The following ATG4B variants were observed in gnomAD, a reference collection of about 807,000 sequenced individuals.
The protein encoded by ATG4B is cysteine protease ATG4B.
Under a neutral mutation model 56.6 loss-of-function variants are expected in ATG4B, and 29 were observed. That is an observed-to-expected ratio of 0.51 (90% CI 0.38 to 0.70). The LOEUF is 0.70. ATG4B is among the 30% of genes least tolerant of loss of function. The probability of loss-of-function intolerance (pLI) is 0.00; values close to 1 mark genes in which losing one functional copy is unlikely to be tolerated. For synonymous variants in ATG4B, 224 were observed against 206.1 expected (o/e 1.09, Z -0.74); for missense variants, 461 against 515.5 (o/e 0.89, Z 1.02).
intron 10 of ATG4B, among the ~76,000 whole-genome samples, chr2:241,669,324 G>A (rs1055965458): frequency 6.6e-6 from 1 of 152,214 alleles, no homozygotes; most frequent in African/African-American, 2.4e-5. Flanking sequence ...GCAGTTAACC[G>A]AATCGGGGGC....
chr2:241,665,932 C>T (rs2068748125), intron 7 of ATG4B, among the ~76,000 whole-genome samples: 1 of 152,234 alleles, frequency 6.6e-6, no homozygotes, highest in South Asian at 2.1e-4. Context: ...CACTGTCCAT[C>T]TTTTTGATGC....
Position 241,657,069 on chromosome 2 carries a change from C to T in ATG4B, c.458+1726C>T, listed in dbSNP as rs904061683. 4.0e-5 allele frequency among the ~76,000 whole-genome samples: 6 copies of T among 151,324 alleles called. No individual in the cohort carries two copies. In the South Asian group the frequency reaches 1.0e-3, roughly 26 times the overall value. On this transcript the variant is annotated intron_variant, in intron 6 of 12. Transcript: ENST00000404914. ...ACTGCTTCCTCCACCTCCTGGGTCC[C>T]GGTTCAAGCAGTTCTCCTGCCTCAG...
intron 6 of ATG4B, among the ~76,000 whole-genome samples, chr2:241,658,089 G>A (rs2068465124): frequency 6.6e-6 from 1 of 152,218 alleles, no homozygotes; most frequent in Non-Finnish European, 1.5e-5. Flanking sequence ...GTTCTCTGCA[G>A]TGTTGACCAC....
intron 1 of ATG4B, among the ~76,000 whole-genome samples, chr2:241,642,033 TAAAA>T (rs35720921): frequency 1.3e-5 from 2 of 149,468 alleles, no homozygotes; most frequent in Non-Finnish European, 3.0e-5. Context: ...TGGTTGGTAA[TAAAA>T]AAAAAACAGA....
intron 1 of ATG4B, among the ~76,000 whole-genome samples, chr2:241,647,261 G>A (rs1172127286): frequency 2.0e-5 from 3 of 148,372 alleles, no homozygotes; most frequent in South Asian, 2.1e-4. Flanking sequence ...GCCTTGGAAC[G>A]GTGTCAAACA....
chr2:241,662,087 G>A (rs778009743), intron 7 of ATG4B, among the ~76,000 whole-genome samples: 7 of 152,138 alleles, frequency 4.6e-5, no homozygotes, highest in East Asian at 3.8e-4. Flanking sequence ...AGAACTTTTC[G>A]GGAGAGTTGG....
rs755022718 is a variant in ATG4B at position 241,653,623 on chromosome 2, C to G, written c.283+13C>G. 1.0e-5 allele frequency: 16 copies of G among 1,557,728 alleles called. 1 individual carries two copies. The Admixed American group carries it at 1.7e-4, about 17-fold the overall frequency. The stretch of plus-strand genomic sequence containing the variant: ...CACCTAGGCCGAGGTGAGTCACAGC[C>G]CTGGGGAGGGCGCATGGCCACGGTG... On this transcript the variant is annotated intron_variant, in intron 4 of 12. Transcript: ENST00000404914.
At chr2:241,654,707 C>CG in intron 5 of ATG4B, 60 bp downstream of exon 5, 1 of 1,378,024 alleles carries the variant, frequency 7.3e-7, no homozygotes, top group Non-Finnish European at 1.0e-6. Flanking sequence ...GTGGAGTGGT[C>CG]GGTTTCCCCT....
intron 7 of ATG4B, chr2:241,659,872 G>A (rs1041982986): frequency 6.2e-6 from 1 of 160,352 alleles, no homozygotes; most frequent in Non-Finnish European, 1.4e-5. Flanking sequence ...GTAGGCTATT[G>A]CCTTGAATCC....
intron 7 of ATG4B, chr2:241,659,540 A>C (rs930561036): frequency 8.2e-6 from 3 of 364,434 alleles, no homozygotes; most frequent in African/African-American, 6.4e-5. Context: ...CGACAGAGAG[A>C]TGTAGCAACC....
Position 241,653,538 on chromosome 2 carries a change from G to T in ATG4B, c.211G>T (p.Gly71Cys), listed in dbSNP as rs867242712. 1 of 1,584,276 alleles carries T rather than the reference G, an allele frequency of 6.3e-7. No individual in the cohort carries two copies. Among genetic ancestry groups the T allele is most frequent in the Admixed American group, 1.8e-5 (1 of 55,556 alleles). The change falls in exon 4 of 13, where the codon GGC (glycine) becomes TGC (cysteine). Residue 71 changes from glycine (G) to cysteine (C), a missense_variant. Physicochemically the swap from Gly to Cys is radical, Grantham distance 159. Transcript: ENST00000404914. The stretch of plus-strand genomic sequence containing the variant: ...GGGGACAGGCCCCACCTCGGACACA[G>T]GCTGGGGCTGCATGCTGCGGTGTGG... ...IGGTGPTSDT[G>C]WGCMLRCGQM...
At chr2:241,663,832 C>G (rs1412663982) in intron 7 of ATG4B, among the ~76,000 whole-genome samples, 1 of 139,952 alleles carries the variant, frequency 7.1e-6, no homozygotes, top group African/African-American at 2.6e-5. Flanking sequence ...TTTTTTGGAA[C>G]AGTTCTGCTC....
intron 7 of ATG4B, among the ~76,000 whole-genome samples, chr2:241,665,595 G>A (rs1269335370): frequency 6.6e-6 from 1 of 152,242 alleles, no homozygotes; most frequent in Non-Finnish European, 1.5e-5. Flanking sequence ...TTGAGCCTGT[G>A]GCTGAGAGTA....
At chr2:241,642,891 TTTTTTTTA>T in intron 1 of ATG4B, among the ~76,000 whole-genome samples, 1 of 126,956 alleles carries the variant, frequency 7.9e-6, no homozygotes, top group African/African-American at 3.3e-5. Flanking sequence ...TTTTTTTTTT[TTTTTTTTA>T]AGACGGAGTC....
In ATG4B at chr2:241,668,980, G is replaced by T; in HGVS notation, c.957+295G>T. ...GCTGAGTGTGCATGGATGAGTGTGA[G>T]CCATGGTGAGTGTGTCCCCCTCACA... On this transcript the variant is annotated intron_variant, in intron 10 of 12. Transcript: ENST00000404914. The surrounding 1 kb of genome is among the most constrained non-coding windows in gnomAD (Gnocchi z 4.2). 1 of 423,830 alleles carries T rather than the reference G, an allele frequency of 2.4e-6. No individual in the cohort carries two copies. The highest frequency in any genetic ancestry group is 4.2e-6 in the Non-Finnish European group (1 of 236,938). 26.3% of individuals were successfully genotyped at this position (423,830 alleles called of 1,614,324 possible). A position where few individuals can be genotyped will look rare whatever the true frequency, so the allele number is the denominator to read the frequency against.
intron 7 of ATG4B, among the ~76,000 whole-genome samples, chr2:241,662,825 C>T (rs904888026): frequency 1.6e-4 from 24 of 148,236 alleles, no homozygotes; most frequent in Non-Finnish European, 3.3e-4. Flanking sequence ...GCCTATAATC[C>T]CAACTTCAAA....
At chr2:241,648,170 A>G (rs910500177) in intron 1 of ATG4B, among the ~76,000 whole-genome samples, 2 of 152,172 alleles carry the variant, frequency 1.3e-5, no homozygotes, top group Non-Finnish European at 2.9e-5. Context: ...TTTTGTAATC[A>G]TGTGCAGAAA....
intron 1 of ATG4B, among the ~76,000 whole-genome samples, chr2:241,650,558 C>T (rs1404061068): frequency 6.6e-6 from 1 of 152,092 alleles, no homozygotes; most frequent in African/African-American, 2.4e-5. Flanking sequence ...CTTGGCTTCC[C>T]TTGCGTACAA....
rs906920040 is a variant in ATG4B at position 241,668,866 on chromosome 2, C to G, written c.957+181C>G. On this transcript the variant is annotated intron_variant, in intron 10 of 12. Transcript: ENST00000404914. This position sits in a 1 kb window ranked among gnomAD's most constrained non-coding sequence, Gnocchi z 4.2. ...ACTGTGTCCTTGCACCCTCACGTCC[C>G]TCCCCCAGGCACCACCTCCTGTGCA... is the stretch of plus-strand genomic sequence containing the variant. 8 of 842,104 alleles carry G rather than the reference C, an allele frequency of 9.5e-6. No individual in the cohort carries two copies. The highest frequency in any genetic ancestry group is 2.9e-5 in the Admixed American group (1 of 34,388). The allele number at this position is 842,104 out of a possible 1,614,324, so 52.2% of individuals were successfully genotyped here.
Sources: gnomAD v4.1 joint callset for allele counts (sites outside exome capture counted in the v4.1 genomes callset) on GRCh38, gnomAD v4.1.1 for gene constraint, Gnocchi (gnomAD v3.1) non-coding constraint, MANE v1.5 for transcripts, NCBI Gene and HGNC (gene_info 2026-07-23, HGNC 2026-07-21) for gene names.